The following ADCY1 variants were observed in gnomAD, a reference collection of about 807,000 sequenced individuals.
ADCY1 encodes the protein adenylate cyclase type 1.
Under a neutral mutation model 105.4 loss-of-function variants are expected in ADCY1, and 28 were observed. The observed-to-expected ratio is 0.27, with a 90% confidence interval of 0.20 to 0.36. The LOEUF is 0.36. Among genes scored for constraint, ADCY1 ranks in the 10% least tolerant of loss-of-function variants. ADCY1 has a pLI of 1.00. For missense variants in ADCY1, 977 were observed against 1,434.2 expected, an observed-to-expected ratio of 0.68 and a Z score of 5.15; for synonymous variants, 655 against 623.8, an observed-to-expected ratio of 1.05 and a Z score of -0.75.
chr7:45,586,248 C>T (rs954256170), intron 1 of ADCY1, among the ~76,000 whole-genome samples: 3 of 152,050 alleles, frequency 2.0e-5, no homozygotes, highest in Non-Finnish European at 4.4e-5. Context: ...CCCTAACACC[C>T]CCTTGGAACT....
At chr7:45,664,260 A>AC (rs1211809424) in intron 8 of ADCY1, 4 of 1,528,924 alleles carry the variant, frequency 2.6e-6, no homozygotes, top group Non-Finnish European at 3.5e-6. Flanking sequence ...GCTGTGTCGG[A>AC]CCCCACACAT....
At chr7:45,657,119 C>G (rs1188478192) in intron 5 of ADCY1, among the ~76,000 whole-genome samples, 1 of 152,274 alleles carries the variant, frequency 6.6e-6, no homozygotes, top group African/African-American at 2.4e-5. Flanking sequence ...CCCACCCCAG[C>G]TCCTGGTGAA....
intron 5 of ADCY1, among the ~76,000 whole-genome samples, chr7:45,651,004 G>A (rs1794794004): frequency 6.6e-6 from 1 of 152,108 alleles, no homozygotes; most frequent in Non-Finnish European, 1.5e-5. Context: ...AGATTCTCCA[G>A]GATTTGGTGC....
Position 45,575,304 on chromosome 7 carries a change from G to A in ADCY1, c.639+122G>A. On this transcript the variant is annotated intron_variant, in intron 1 of 19. Coordinates refer to ENST00000297323, the MANE Select transcript of ADCY1 (RefSeq NM_021116.4). This position sits in a 1 kb window ranked among gnomAD's most constrained non-coding sequence, Gnocchi z 4.7. ...GGGTGGGGACACTGAGGCTCCGAGT[G>A]GGGGTGTGTTCAAGGTCACTCCTAC... is the stretch of plus-strand genomic sequence containing the variant. The A allele has an allele frequency of 7.8e-7, 1 of 1,279,520 alleles. No individual in the cohort carries two copies. Among genetic ancestry groups the A allele is most frequent in the South Asian group, 1.5e-5 (1 of 65,042 alleles). 79.3% of individuals were successfully genotyped at this position (1,279,520 alleles called of 1,614,324 possible). A position where few individuals can be genotyped will look rare whatever the true frequency, so the allele number is the denominator to read the frequency against.
chr7:45,625,624 T>C (rs1361193738), intron 4 of ADCY1, among the ~76,000 whole-genome samples: 1 of 152,148 alleles, frequency 6.6e-6, no homozygotes, highest in Admixed American at 6.5e-5. Context: ...TGAACACACG[T>C]GTGTACATGT....
intron 1 of ADCY1, among the ~76,000 whole-genome samples, chr7:45,590,100 G>T (rs994912705): frequency 4.6e-5 from 7 of 152,114 alleles, no homozygotes; most frequent in Admixed American, 6.5e-5. Flanking sequence ...GAGATGAGGG[G>T]GACCGGCCGC....
rs1303668577 is a variant in ADCY1, at chr7:45,677,982, A to G, written c.1719A>G (p.Leu573=). Residue 573 remains leucine, a synonymous_variant, in exon 9 of 20, where the codon TTA becomes TTG. Coordinates refer to ENST00000297323, the MANE Select transcript of ADCY1 (RefSeq NM_021116.4). The stretch of plus-strand genomic sequence containing the variant: ...TCAACAGGTACATCAGCCGCCTCTT[A>G]GAAGCCCGCCAGACAGAGCTGGAGA... ...TRVNRYISRL[L]EARQTELEMA... 1.9e-6 allele frequency: 3 copies of G among 1,614,212 alleles called. No individual in the cohort carries two copies. In the South Asian group the frequency reaches 3.3e-5, roughly 18 times the overall value.
At chr7:45,674,021 T>G (rs1233440736) in intron 8 of ADCY1, among the ~76,000 whole-genome samples, 57 of 145,720 alleles carry the variant, frequency 3.9e-4, no homozygotes, top group African/African-American at 9.6e-4. Flanking sequence ...TTTTGTTGTT[T>G]TTTTTTTTTT....
In ADCY1 at chr7:45,647,101, C is replaced by T. The variant is rs760907689; in HGVS notation, c.1021-1569C>T. On this transcript the variant is annotated intron_variant, in intron 4 of 19. Coordinates refer to ENST00000297323, the MANE Select transcript of ADCY1 (RefSeq NM_021116.4). This position sits in a 1 kb window ranked among gnomAD's most constrained non-coding sequence, Gnocchi z 4.6. ...CAGCGCCCCCTCCTCTGATGCTGGG[C>T]GGTGGCCAGGGCCATCTCTCAAGGT... Among the ~76,000 whole-genome samples, 1 of 152,242 alleles carries T rather than the reference C, an allele frequency of 6.6e-6. No homozygotes were observed. Among genetic ancestry groups the T allele is most frequent in the Non-Finnish European group, 1.5e-5 (1 of 68,044 alleles).
intron 5 of ADCY1, among the ~76,000 whole-genome samples, chr7:45,649,313 A>T (rs936182041): frequency 2.8e-4 from 42 of 152,196 alleles, no homozygotes; most frequent in Admixed American, 1.6e-3. Context: ...TTTCTTGGTC[A>T]GTCTTATGTT....
At position 45,704,763 on chromosome 7, in the gene ADCY1, G is replaced by A; in HGVS notation, c.2817+147G>A. ...CAGCTTGAGTGCTGTTTTTGTCCGT[G>A]GCTGGCTCTCTCCAGACACAATCTC... On this transcript the variant is annotated intron_variant, in intron 17 of 19. Transcript: ENST00000297323. 13 of 651,668 alleles carry A rather than the reference G, an allele frequency of 2.0e-5. No homozygotes were observed. The South Asian group carries it at 2.5e-4, about 12-fold the overall frequency. The allele number at this position is 651,668 out of a possible 1,614,324, so 40.4% of individuals were successfully genotyped here. A position where few individuals can be genotyped will look rare whatever the true frequency, so the allele number is the denominator to read the frequency against.
chr7:45,654,992 GTGT>G (rs961559775), intron 5 of ADCY1, among the ~76,000 whole-genome samples: 1 of 152,198 alleles, frequency 6.6e-6, no homozygotes, highest in Admixed American at 6.5e-5. Flanking sequence ...GCAGGCGTGT[GTGT>G]TGTTGTTATT....
At chr7:45,620,059 A>G (rs944308642) in intron 3 of ADCY1, among the ~76,000 whole-genome samples, 42 of 152,248 alleles carry the variant, frequency 2.8e-4, no homozygotes, top group African/African-American at 8.9e-4. Context: ...AAATGCTGTT[A>G]AGCCTTAAAA....
intron 1 of ADCY1, among the ~76,000 whole-genome samples, chr7:45,582,756 G>T (rs1158327995): frequency 1.3e-5 from 2 of 152,162 alleles, no homozygotes; most frequent in East Asian, 3.9e-4. Flanking sequence ...TGCTAAGGGG[G>T]TCCCATCTGT....
In ADCY1 at chr7:45,686,785, G is replaced by A. The variant is rs1784686719; in HGVS notation, c.2454+112G>A. On this transcript the variant is annotated intron_variant, in intron 14 of 19. Transcript: ENST00000297323. This position sits in a 1 kb window ranked among gnomAD's most constrained non-coding sequence, Gnocchi z 4.3. Reference sequence around the variant, plus strand: ...GACACCCACACGCCGTATGGCCCTCGGAGGGCCCTCCTCAGCAGCATGCAA... The same window carrying A: ...GACACCCACACGCCGTATGGCCCTCAGAGGGCCCTCCTCAGCAGCATGCAA... 34 of 1,420,388 alleles carry A rather than the reference G, an allele frequency of 2.4e-5. No individual in the cohort carries two copies. The highest frequency in any genetic ancestry group is 2.7e-5 in the Non-Finnish European group (29 of 1,070,740). 88.0% of individuals were successfully genotyped at this position (1,420,388 alleles called of 1,614,324 possible).
intron 4 of ADCY1, among the ~76,000 whole-genome samples, chr7:45,637,614 A>C (rs1036847810): frequency 1.3e-5 from 2 of 152,178 alleles, no homozygotes; most frequent in African/African-American, 2.4e-5. Flanking sequence ...AGTCCTACTT[A>C]TTTGGGAGGC....
chr7:45,633,953 A>G (rs556675900), intron 4 of ADCY1, among the ~76,000 whole-genome samples: 4 of 152,254 alleles, frequency 2.6e-5, no homozygotes, highest in South Asian at 2.1e-4. Flanking sequence ...TTTCTGCCCA[A>G]TGGTAGGCTA....
chr7:45,580,104 G>T (rs1370708406), intron 1 of ADCY1, among the ~76,000 whole-genome samples: 1 of 152,344 alleles, frequency 6.6e-6, no homozygotes, highest in Non-Finnish European at 1.5e-5. Flanking sequence ...CAGGGCAGCT[G>T]GGATGAGGGT....
chr7:45,650,916 T>C (rs1794791973), intron 5 of ADCY1, among the ~76,000 whole-genome samples: 1 of 152,186 alleles, frequency 6.6e-6, no homozygotes, highest in African/African-American at 2.4e-5. Context: ...TGCTCCACTT[T>C]CTGGTTCACT....
Sources: gnomAD v4.1 joint callset for allele counts (sites outside exome capture counted in the v4.1 genomes callset) on GRCh38, gnomAD v4.1.1 for gene constraint, Gnocchi (gnomAD v3.1) non-coding constraint, MANE v1.5 for transcripts, NCBI Gene and HGNC (gene_info 2026-07-23, HGNC 2026-07-21) for gene names.